The following AHCYL2 variants were observed in gnomAD, a reference collection of about 807,000 sequenced individuals.
The protein encoded by AHCYL2 is adenosylhomocysteinase like 2, also known as S-adenosylhomocysteine hydrolase-like protein 2.
AHCYL2 carries 28 observed loss-of-function variants against 81.4 expected under a neutral mutation model. The ratio of observed to expected loss-of-function variants is 0.34; its 90% CI spans 0.25 to 0.47. The LOEUF (loss-of-function observed/expected upper bound fraction) is 0.47, where lower values mean the gene tolerates loss of function less well. Among genes scored for constraint, AHCYL2 ranks in the 20% least tolerant of loss-of-function variants. The probability of loss-of-function intolerance (pLI) is 1.00; values close to 1 mark genes in which losing one functional copy is unlikely to be tolerated. For synonymous variants in AHCYL2, 272 were observed against 290.2 expected (o/e 0.94, Z 0.64); for missense variants, 551 against 785.1 (o/e 0.70, Z 3.56).
intron 1 of AHCYL2, among the ~76,000 whole-genome samples, chr7:129,250,611 G>A (rs1254980301): frequency 2.6e-5 from 4 of 152,122 alleles, no homozygotes; most frequent in Non-Finnish European, 5.9e-5. Context: ...CCTTGTTTCC[G>A]ATTTTAGAGG....
At chr7:129,425,431 A>C (rs1797319311) in intron 15 of AHCYL2, among the ~76,000 whole-genome samples, 5 of 152,090 alleles carry the variant, frequency 3.3e-5, no homozygotes, top group Admixed American at 3.3e-4. Flanking sequence ...AAAGGAGAAA[A>C]AAAAAATCTT....
intron 1 of AHCYL2, among the ~76,000 whole-genome samples, chr7:129,303,293 C>A (rs1797314946): frequency 6.6e-6 from 1 of 152,228 alleles, no homozygotes. Flanking sequence ...GCCACCATGC[C>A]TGGCCGACTG....
chr7:129,239,551 G>A (rs146035816), intron 1 of AHCYL2, among the ~76,000 whole-genome samples: 287 of 151,988 alleles, frequency 1.9e-3, no homozygotes, highest in African/African-American at 6.5e-3. Flanking sequence ...GGCTCAAGCA[G>A]TCCTCCTGCC....
intron 4 of AHCYL2, among the ~76,000 whole-genome samples, chr7:129,393,037 C>T (rs1228483617): frequency 1.3e-5 from 2 of 152,230 alleles, no homozygotes; most frequent in East Asian, 1.9e-4. Flanking sequence ...TGTCCCAGAA[C>T]TGATGATATT....
intron 1 of AHCYL2, among the ~76,000 whole-genome samples, chr7:129,356,565 G>A (rs1206851883): frequency 6.6e-6 from 1 of 152,126 alleles, no homozygotes; most frequent in Non-Finnish European, 1.5e-5. Context: ...AAGGAAAGAA[G>A]TATTAGAACA....
At chr7:129,397,173 T>C in intron 4 of AHCYL2, 49 bp from the exon 5 acceptor site, 1 of 1,439,600 alleles carries the variant, frequency 6.9e-7, no homozygotes, top group South Asian at 1.2e-5. Context: ...TCTCCTTGAC[T>C]AGTTGTTTGG....
At chr7:129,312,002 G>A (rs553034265) in intron 1 of AHCYL2, among the ~76,000 whole-genome samples, 2 of 151,834 alleles carry the variant, frequency 1.3e-5, no homozygotes, top group East Asian at 3.9e-4. Flanking sequence ...TCTTCTTTTG[G>A]AGACAACGTT....
Position 129,389,189 on chromosome 7 carries a change from T to C in AHCYL2, c.609T>C (p.Ile203=), listed in dbSNP as rs1364765652. 1.2e-6 allele frequency: 2 copies of C among 1,613,920 alleles called. No individual in the cohort carries two copies. Among genetic ancestry groups the C allele is most frequent in the Admixed American group, 3.3e-5 (2 of 59,990 alleles). The part of the protein sequence containing the change: ...QAEFGRREIE[I]AEQEMPALMA... Reference sequence around the variant, plus strand: ...AGTTTGGACGAAGAGAAATTGAAATTGCTGAACAAGGTAAAGAAAACAAGC... The same window carrying C: ...AGTTTGGACGAAGAGAAATTGAAATCGCTGAACAAGGTAAAGAAAACAAGC... Residue 203 remains isoleucine (I), a synonymous_variant, in exon 3 of 17, where the codon ATT becomes ATC. Coordinates refer to ENST00000325006, the MANE Select transcript of AHCYL2 (RefSeq NM_015328.4).
chr7:129,272,567 CAG>C (rs1310501010), intron 1 of AHCYL2, among the ~76,000 whole-genome samples: 1 of 152,220 alleles, frequency 6.6e-6, no homozygotes, highest in East Asian at 1.9e-4. Context: ...GCTTGAAACA[CAG>C]AGAGAAAAGT....
rs1307159360 is a variant in AHCYL2, at chr7:129,426,658, A to G, written c.1829+95A>G. 2.7e-6 allele frequency: 4 copies of G among 1,505,344 alleles called. No homozygotes were observed. The highest frequency in any genetic ancestry group is 2.3e-5 in the East Asian group (1 of 44,062). 93.2% of individuals were successfully genotyped at this position (1,505,344 alleles called of 1,614,324 possible). A position where few individuals can be genotyped will look rare whatever the true frequency, so the allele number is the denominator to read the frequency against. On this transcript the variant is annotated intron_variant, in intron 16 of 16. Transcript: ENST00000325006. This position sits in a 1 kb window ranked among gnomAD's most constrained non-coding sequence, Gnocchi z 4.3. The stretch of plus-strand genomic sequence containing the variant: ...TGCATCCCCAACCACATATGCTTAC[A>G]TGAACTCAGAAAAATGAACCCACTT...
chr7:129,244,785 T>C (rs1324033900), intron 1 of AHCYL2, among the ~76,000 whole-genome samples: 2 of 152,222 alleles, frequency 1.3e-5, no homozygotes, highest in African/African-American at 4.8e-5. Context: ...TGCCGCCTTC[T>C]GATATCCAGA....
intron 1 of AHCYL2, among the ~76,000 whole-genome samples, chr7:129,304,392 G>A (rs1343984786): frequency 6.6e-6 from 1 of 152,174 alleles, no homozygotes; most frequent in Non-Finnish European, 1.5e-5. Context: ...ATATCTATTA[G>A]GTCCATTTGG....
chr7:129,295,463 A>C (rs1245257630), intron 1 of AHCYL2, among the ~76,000 whole-genome samples: 1 of 152,236 alleles, frequency 6.6e-6, no homozygotes, highest in Non-Finnish European at 1.5e-5. Context: ...AGAGAAGCCT[A>C]GACTCTGAAA....
intron 1 of AHCYL2, among the ~76,000 whole-genome samples, chr7:129,290,307 T>C (rs1043394696): frequency 4.7e-5 from 7 of 150,160 alleles, no homozygotes; most frequent in Admixed American, 1.3e-4. Flanking sequence ...ATGAGACCAT[T>C]CTGGCCAACA....
intron 1 of AHCYL2, among the ~76,000 whole-genome samples, chr7:129,234,865 C>G (rs1236634158): frequency 6.6e-6 from 1 of 152,194 alleles, no homozygotes; most frequent in Non-Finnish European, 1.5e-5. Flanking sequence ...CTTCAGAATT[C>G]ACACTTGCCC....
intron 1 of AHCYL2, among the ~76,000 whole-genome samples, chr7:129,315,174 C>G (rs1415843403): frequency 2.0e-5 from 3 of 152,130 alleles, no homozygotes; most frequent in Non-Finnish European, 1.5e-5. Context: ...TGTCCCTCCT[C>G]CCTCTCTTTT....
intron 1 of AHCYL2, among the ~76,000 whole-genome samples, chr7:129,290,442 A>C (rs949983297): frequency 4.0e-5 from 6 of 149,860 alleles, no homozygotes; most frequent in Non-Finnish European, 8.9e-5. Context: ...CGGAGCTTGC[A>C]GTGAGCTGAG....
intron 1 of AHCYL2, among the ~76,000 whole-genome samples, chr7:129,357,982 A>C (rs1489268262): frequency 6.6e-6 from 1 of 151,850 alleles, no homozygotes; most frequent in Non-Finnish European, 1.5e-5. Context: ...TTTGCACATC[A>C]CTGTTGATAC....
intron 1 of AHCYL2, among the ~76,000 whole-genome samples, chr7:129,292,891 T>G (rs551020055): frequency 5.3e-5 from 8 of 152,334 alleles, no homozygotes; most frequent in African/African-American, 1.7e-4. Context: ...GCTTCTAGAC[T>G]GAGAAACGTT....
Sources: allele counts gnomAD v4.1 joint callset (sites outside exome capture counted in the v4.1 genomes callset), GRCh38; gene constraint gnomAD v4.1.1; non-coding constraint Gnocchi (gnomAD v3.1); transcripts MANE v1.5; gene names NCBI Gene and HGNC (gene_info 2026-07-23, HGNC 2026-07-21).